The following VPS37B variants were observed in gnomAD, a reference collection of about 807,000 sequenced individuals.
The protein encoded by VPS37B is VPS37B subunit of ESCRT-I, also known as vacuolar protein sorting-associated protein 37B.
VPS37B carries 11 observed loss-of-function variants against 21.2 expected under a neutral mutation model. The ratio of observed to expected loss-of-function variants is 0.52; its 90% confidence interval spans 0.33 to 0.86. The LOEUF is 0.86. Among genes scored for constraint, VPS37B ranks in the 40% least tolerant of loss-of-function variants. The pLI is 0.03. For missense variants in VPS37B, 389 were observed against 374.8 expected (o/e 1.04, Z -0.31); for synonymous variants, 175 against 159.6 (o/e 1.10, Z -0.73).
chr12:122,878,892 TC>T (rs2034203541), intron 1 of VPS37B: 1 of 152,210 alleles, frequency 6.6e-6, no homozygotes, highest in South Asian at 2.1e-4. Context: ...CCTCAAGTGA[TC>T]TGCCCGCCTT....
chr12:122,868,218 A>AG lies in VPS37B; in HGVS notation c.366+261dup, dbSNP rs2033948520. 6.6e-6 allele frequency among the ~76,000 whole-genome samples: 1 copy of AG among 152,192 alleles called. No homozygotes were observed. The highest frequency in any genetic ancestry group is 1.5e-5 in the Non-Finnish European group (1 of 68,030). On this transcript the variant is annotated intron_variant, in intron 3 of 3. Coordinates refer to ENST00000267202, the MANE Select transcript of VPS37B (RefSeq NM_024667.3). This position sits in a 1 kb window ranked among gnomAD's most constrained non-coding sequence, Gnocchi z 5.5. ...CACGTGGTAATCCGCCACTGGCCCC[A>AG]GGGGCCGGCGTTCACAGGGTGGCAC...
chr12:122,870,659 C>T, intron 2 of VPS37B: 1 of 406,930 alleles, frequency 2.5e-6, no homozygotes, highest in Non-Finnish European at 4.4e-6. Context: ...TCACCTGAGC[C>T]CAGGAGGTCG....
chr12:122,893,877 A>C (rs1021093473), intron 1 of VPS37B, among the ~76,000 whole-genome samples: 1 of 152,000 alleles, frequency 6.6e-6, no homozygotes, highest in Non-Finnish European at 1.5e-5. Flanking sequence ...CTTTCTCTTT[A>C]AAAAATAATC....
chr12:122,879,541 G>GCAT (rs2034213787), intron 1 of VPS37B: 1 of 152,458 alleles, frequency 6.6e-6, no homozygotes, highest in African/African-American at 2.4e-5. Flanking sequence ...TGCTAATCCT[G>GCAT]CATCAGGCTT....
Position 122,870,925 on chromosome 12 carries a change from A to G in VPS37B, c.248T>C (p.Leu83Pro). 1 of 1,614,166 alleles carries G rather than the reference A, an allele frequency of 6.2e-7. No individual in the cohort carries two copies. Residue 83 changes from leucine (L) to proline (P), a missense_variant, in exon 2 of 4, where the codon CTC becomes CCC. Transcript: ENST00000267202. ...CTTCTTTATCTGATAGGCTTCAAAG[A>G]GAACCTGGAGTTCCTGGTATTTCTG... ...LTQKYQELQV[L>P]FEAYQIKKTK...
At chr12:122,882,326 G>C (rs1296612880) in intron 1 of VPS37B, 1 of 152,038 alleles carries the variant, frequency 6.6e-6, no homozygotes, top group Non-Finnish European at 1.5e-5. Flanking sequence ...GCTGTTCTGG[G>C]ACACCACTGC....
intron 1 of VPS37B, chr12:122,878,912 A>G (rs1344727345): frequency 1.3e-5 from 2 of 152,132 alleles, no homozygotes; most frequent in Non-Finnish European, 2.9e-5. Context: ...TTGGCCTCCC[A>G]AAGTGTTAGA....
chr12:122,891,651 G>C (rs1441794594), intron 1 of VPS37B, among the ~76,000 whole-genome samples: 9 of 152,202 alleles, frequency 5.9e-5, no homozygotes, highest in Non-Finnish European at 1.3e-4. Context: ...AACTCCAGTA[G>C]TATTATACTC....
chr12:122,875,279 T>G (rs1011220372), intron 1 of VPS37B: 1 of 147,098 alleles, frequency 6.8e-6, no homozygotes, highest in Non-Finnish European at 1.5e-5. Context: ...TTTGCCACAT[T>G]AGCCAGGTTG....
intron 1 of VPS37B, chr12:122,883,314 C>T (rs958544521): frequency 3.3e-5 from 5 of 152,194 alleles, no homozygotes; most frequent in Admixed American, 6.5e-5. Context: ...TGACGTGAAT[C>T]TAAAAATTGG....
At chr12:122,894,640 C>CT (rs1042099474) in intron 1 of VPS37B, among the ~76,000 whole-genome samples, 3 of 152,212 alleles carry the variant, frequency 2.0e-5, no homozygotes, top group African/African-American at 7.2e-5. Flanking sequence ...TGGGATTAGC[C>CT]TGGGCCCACC....
intron 1 of VPS37B, chr12:122,875,909 G>A (rs2135703146): frequency 1.3e-5 from 2 of 150,586 alleles, no homozygotes; most frequent in Middle Eastern, 7.0e-3. Flanking sequence ...GGCACCAACA[G>A]ATACCTGAAA....
chr12:122,892,050 G>A (rs933860775), intron 1 of VPS37B, among the ~76,000 whole-genome samples: 1 of 152,164 alleles, frequency 6.6e-6, no homozygotes, highest in Non-Finnish European at 1.5e-5. Context: ...TCCCCTAAGC[G>A]ACAGTTCCTT....
chr12:122,875,742 G>A (rs143558982), intron 1 of VPS37B: 3 of 151,992 alleles, frequency 2.0e-5, no homozygotes, highest in African/African-American at 4.8e-5. Flanking sequence ...ACATACACCC[G>A]GCTCTCCACC....
In VPS37B at chr12:122,874,265, ACG is replaced by A. The variant is rs1372078305; in HGVS notation, c.112-3206_112-3205del. 2.6e-5 allele frequency: 4 copies of A among 152,336 alleles called. No homozygotes were observed. The East Asian group carries it at 7.7e-4, about 29-fold the overall frequency. 9.4% of individuals were successfully genotyped at this position (152,336 alleles called of 1,614,324 possible). On this transcript the variant is annotated intron_variant, in intron 1 of 3. Coordinates refer to ENST00000267202, the MANE Select transcript of VPS37B (RefSeq NM_024667.3). Reference sequence around the variant, plus strand: ...GCAGTCTCAGCCTCGGCTGTGCCTTACGATCCCCGTTTACTGGGGAGTAGGGA... The same window carrying A: ...GCAGTCTCAGCCTCGGCTGTGCCTTAATCCCCGTTTACTGGGGAGTAGGGA...
At chr12:122,878,468 G>A (rs2034193925) in intron 1 of VPS37B, 1 of 152,260 alleles carries the variant, frequency 6.6e-6, no homozygotes, top group African/African-American at 2.4e-5. Context: ...GATGCTTGTG[G>A]TGTGCTGAAT....
chr12:122,873,164 T>C (rs2034071271), intron 1 of VPS37B: 1 of 152,208 alleles, frequency 6.6e-6, no homozygotes, highest in Non-Finnish European at 1.5e-5. Flanking sequence ...GTCCTGATGT[T>C]CTGTGTCCTG....
In VPS37B at chr12:122,896,045, G is replaced by T. The variant is rs1239862118; in HGVS notation, c.18C>A (p.Ser6Arg). The change falls in exon 1 of 4, where the codon AGC becomes AGA. Residue 6 changes from serine to arginine, a missense_variant. By Grantham distance (110) the Ser-to-Arg change is moderately radical. Transcript: ENST00000267202. MAGAG[S>R]EARFAGLSLV... ...GCGACAGCCCGGCGAACCGGGCTTC[G>T]CTCCCGGCGCCCGCCATCCCCACGT... The T allele has an allele frequency of 1.9e-6, 3 of 1,583,114 alleles. No homozygotes were observed. Among genetic ancestry groups the T allele is most frequent in the Non-Finnish European group, 1.7e-6 (2 of 1,170,180 alleles).
chr12:122,880,833 G>A (rs927556357), intron 1 of VPS37B: 1 of 152,224 alleles, frequency 6.6e-6, no homozygotes, highest in African/African-American at 2.4e-5. Flanking sequence ...AAGCACCTCT[G>A]TGTGCCAGGC....
Sources: gnomAD v4.1 joint callset for allele counts (sites outside exome capture counted in the v4.1 genomes callset) on GRCh38, gnomAD v4.1.1 for gene constraint, Gnocchi (gnomAD v3.1) non-coding constraint, MANE v1.5 for transcripts, NCBI Gene and HGNC (gene_info 2026-07-23, HGNC 2026-07-21) for gene names.